Variants in FAM151B observed in about 807,000 individuals in gnomAD.
FAM151B encodes family with sequence similarity 151 member B.
In FAM151B, 24 loss-of-function variants were observed where a neutral mutation model predicts 31.2. The ratio of observed to expected loss-of-function variants is 0.77; its 90% confidence interval spans 0.56 to 1.08. The LOEUF (loss-of-function observed/expected upper bound fraction) is 1.08. Among genes scored for constraint, FAM151B ranks in the 50% least tolerant of loss-of-function variants. The pLI is 0.00. For synonymous variants in FAM151B, 105 were observed against 111.4 expected, an observed-to-expected ratio of 0.94 and a Z score of 0.36; for missense variants, 293 against 328.6, an observed-to-expected ratio of 0.89 and a Z score of 0.84.
intron 5 of FAM151B, among the ~76,000 whole-genome samples, chr5:80,541,062 A>G (rs17664442): frequency 0.28 from 43,051 of 152,224 alleles, 6,639 homozygotes; most frequent in East Asian, 0.53. Flanking sequence ...TTTAAGTAAC[A>G]TTAACATTCT....
At chr5:80,535,273 A>G (rs1413516622) in intron 5 of FAM151B, among the ~76,000 whole-genome samples, 8 of 152,218 alleles carry the variant, frequency 5.3e-5, no homozygotes, top group African/African-American at 1.9e-4. Flanking sequence ...TGGAACCACA[A>G]AGGCCCAGAA....
intron 5 of FAM151B, among the ~76,000 whole-genome samples, chr5:80,524,090 A>G (rs988797327): frequency 1.1e-4 from 17 of 152,108 alleles, no homozygotes; most frequent in African/African-American, 3.9e-4. Flanking sequence ...CATTTAATTA[A>G]AATTTTCAGT....
chr5:80,488,896 T>C (rs1743210893), intron 1 of FAM151B, among the ~76,000 whole-genome samples: 1 of 152,136 alleles, frequency 6.6e-6, no homozygotes, highest in Non-Finnish European at 1.5e-5. Flanking sequence ...AATGCCATTA[T>C]AGAACATTTA....
At chr5:80,518,790 CAA>C (rs993594612) in intron 3 of FAM151B, 13 of 152,152 alleles carry the variant, frequency 8.5e-5, no homozygotes, top group African/African-American at 3.1e-4. Context: ...GGAGTGGAGA[CAA>C]GAGAGGTAGA....
intron 3 of FAM151B, chr5:80,518,972 G>A (rs1164824009): frequency 6.6e-6 from 1 of 152,136 alleles, no homozygotes; most frequent in Non-Finnish European, 1.5e-5. Flanking sequence ...AAAAATTATG[G>A]AAGCTGATTA....
At chr5:80,515,252 T>C (rs895395467) in intron 3 of FAM151B, among the ~76,000 whole-genome samples, 1 of 125,638 alleles carries the variant, frequency 8.0e-6, no homozygotes, top group Non-Finnish European at 1.7e-5. Flanking sequence ...AAAAAATAAA[T>C]AAATAAATAA....
intron 1 of FAM151B, among the ~76,000 whole-genome samples, chr5:80,493,817 A>T (rs1743405782): frequency 6.6e-6 from 1 of 152,168 alleles, no homozygotes; most frequent in Admixed American, 6.5e-5. Context: ...ATAGACCCTC[A>T]TCAGTAATTC....
chr5:80,510,663 A>G (rs562217440), intron 2 of FAM151B: 20 of 152,380 alleles, frequency 1.3e-4, no homozygotes, highest in African/African-American at 3.6e-4. Context: ...ATCAAGGCTT[A>G]TAAGAGTGAA....
intron 1 of FAM151B, chr5:80,500,673 A>G (rs1743708126): frequency 3.9e-6 from 3 of 778,838 alleles, no homozygotes; most frequent in Admixed American, 1.7e-5. Flanking sequence ...CTTCGCCTTC[A>G]TCAAATCTTC....
chr5:80,492,507 C>T (rs1743369189), intron 1 of FAM151B, among the ~76,000 whole-genome samples: 2 of 152,158 alleles, frequency 1.3e-5, no homozygotes, highest in African/African-American at 4.8e-5. Flanking sequence ...CAGACTGCTT[C>T]ACCAGCCAGC....
At chr5:80,538,529 C>CTTCCTTTCTTTTCTTTCT (rs1745701420) in intron 5 of FAM151B, among the ~76,000 whole-genome samples, 1 of 94,034 alleles carries the variant, frequency 1.1e-5, no homozygotes, top group Admixed American at 1.0e-4. Context: ...TCCTTCCTTC[C>CTTCCTTTCTTTTCTTTCT]TTCCTTCCTT....
chr5:80,527,427 A>T (rs199810004), intron 5 of FAM151B, among the ~76,000 whole-genome samples: 1 of 29,942 alleles, frequency 3.3e-5, no homozygotes, highest in African/African-American at 1.2e-4. Flanking sequence ...TGTCTCAATT[A>T]AAAAAAAAAA....
chr5:80,528,162 G>A (rs932339924), intron 5 of FAM151B, among the ~76,000 whole-genome samples: 3 of 152,046 alleles, frequency 2.0e-5, no homozygotes, highest in Admixed American at 2.0e-4. Flanking sequence ...TGGTTTATAA[G>A]ATAGTATTTG....
At chr5:80,508,655 C>T (rs1018315613) in intron 2 of FAM151B, among the ~76,000 whole-genome samples, 6 of 152,164 alleles carry the variant, frequency 3.9e-5, no homozygotes, top group African/African-American at 1.4e-4. Context: ...TTTGAACTAT[C>T]TCTGTCCTTT....
intron 2 of FAM151B, 119 bp from the exon 3 acceptor site, chr5:80,513,485 T>C: frequency 1.1e-6 from 1 of 943,146 alleles, no homozygotes; most frequent in Non-Finnish European, 1.5e-6. Flanking sequence ...AATCGCTCAC[T>C]GAGTGTTACT....
intron 2 of FAM151B, among the ~76,000 whole-genome samples, chr5:80,507,199 AT>A (rs757473409): frequency 1.3e-5 from 2 of 151,514 alleles, no homozygotes; most frequent in Non-Finnish European, 2.9e-5. Flanking sequence ...GGATATTTGT[AT>A]TTGTTAGAAC....
chr5:80,530,048 G>C (rs1745163149), intron 5 of FAM151B, among the ~76,000 whole-genome samples: 1 of 135,244 alleles, frequency 7.4e-6, no homozygotes, highest in African/African-American at 3.1e-5. Flanking sequence ...CGATCAAGTG[G>C]GCTTCATCCC....
rs147852331 is a variant in FAM151B at position 80,505,891 on chromosome 5, G to C, written c.151+3974G>C. On this transcript the variant is annotated intron_variant, in intron 2 of 5. Transcript: ENST00000282226. ...CCTGCTTCAGCCTCCCGAGTAGCTG[G>C]GATTACAGGCTCACACCACCACACC... 6.1e-3 allele frequency: 958 copies of C among 157,136 alleles called. 8 individuals carry two copies. The highest frequency in any genetic ancestry group is 0.022 in the African/African-American group (894 of 41,086). The allele number at this position is 157,136 out of a possible 1,614,324, so 9.7% of individuals were successfully genotyped here.
chr5:80,516,050 C>T (rs774221046), intron 3 of FAM151B, among the ~76,000 whole-genome samples: 2 of 152,146 alleles, frequency 1.3e-5, no homozygotes, highest in South Asian at 2.1e-4. Context: ...TTTGGCTGGG[C>T]GCAGTGGCTC....
Sources: gnomAD v4.1 joint callset for allele counts (sites outside exome capture counted in the v4.1 genomes callset) on GRCh38, gnomAD v4.1.1 for gene constraint, MANE v1.5 for transcripts, NCBI Gene and HGNC (gene_info 2026-07-23, HGNC 2026-07-21) for gene names.